Variants in RANBP2 observed in about 807,000 individuals in gnomAD.
RANBP2 encodes the protein E3 SUMO-protein ligase RanBP2.
Under a neutral mutation model 303.6 loss-of-function variants are expected in RANBP2, and 57 were observed. That is an observed-to-expected ratio of 0.19 (90% CI 0.15 to 0.23). The LOEUF (loss-of-function observed/expected upper bound fraction) is 0.23, where lower values mean the gene tolerates loss of function less well. RANBP2 is among the 10% of genes least tolerant of loss of function. The pLI is 1.00. For missense variants in RANBP2, 3,138 were observed against 3,780.8 expected, an observed-to-expected ratio of 0.83 and a Z score of 4.46; for synonymous variants, 1,167 against 1,301.5, an observed-to-expected ratio of 0.90 and a Z score of 2.23.
the RANBP2 span, among the ~76,000 whole-genome samples, chr2:109,505,154 C>T: frequency 6.6e-6 from 1 of 152,174 alleles, no homozygotes; most frequent in Non-Finnish European, 1.5e-5. Context: ...TGCAGGGAAT[C>T]CCACCAACAG....
chr2:109,451,712 G>A, the RANBP2 span, among the ~76,000 whole-genome samples: 1 of 152,250 alleles, frequency 6.6e-6, no homozygotes, highest in Non-Finnish European at 1.5e-5. Flanking sequence ...GCAAAGAACA[G>A]TTGAGTCCAG....
At chr2:109,133,190 A>G in the RANBP2 span, among the ~76,000 whole-genome samples, 9 of 152,218 alleles carry the variant, frequency 5.9e-5, no homozygotes, top group African/African-American at 9.7e-5. Flanking sequence ...AAGGAAGGAC[A>G]TTGTCACAAA....
chr2:109,489,962 T>A, the RANBP2 span, among the ~76,000 whole-genome samples: 68 of 152,316 alleles, frequency 4.5e-4, no homozygotes, highest in South Asian at 7.0e-3. Context: ...GGTCTCGAAC[T>A]CCTGACCTCA....
At chr2:109,258,057 G>C in the RANBP2 span, among the ~76,000 whole-genome samples, 8 of 152,286 alleles carry the variant, frequency 5.3e-5, no homozygotes, top group South Asian at 1.7e-3. Context: ...GACCCTCACA[G>C]CCCTGCCATC....
intron 24 of RANBP2, among the ~76,000 whole-genome samples, chr2:108,776,713 G>C (rs1677918490): frequency 6.6e-6 from 1 of 152,136 alleles, no homozygotes; most frequent in Non-Finnish European, 1.5e-5. Context: ...AAGTGTAAAT[G>C]AGACATTTGG....
At chr2:108,735,081 AT>A (rs70956274) in intron 4 of RANBP2, among the ~76,000 whole-genome samples, 15,963 of 152,196 alleles carry the variant, frequency 0.1, 1,062 homozygotes, top group Non-Finnish European at 0.15. Flanking sequence ...TACTGTCTTC[AT>A]TTAAGGTCAG....
the RANBP2 span, among the ~76,000 whole-genome samples, chr2:109,123,631 G>A: frequency 6.6e-6 from 1 of 152,206 alleles, no homozygotes; most frequent in Admixed American, 6.5e-5. Flanking sequence ...CAGTAGCAAT[G>A]TGACATTGGA....
At chr2:109,408,736 C>T in the RANBP2 span, among the ~76,000 whole-genome samples, 2 of 152,240 alleles carry the variant, frequency 1.3e-5, no homozygotes, top group Non-Finnish European at 2.9e-5. Context: ...CTGCAGCCAC[C>T]GCCTGTAAAG....
At chr2:109,161,142 G>C in the RANBP2 span, among the ~76,000 whole-genome samples, 1 of 152,176 alleles carries the variant, frequency 6.6e-6, no homozygotes, top group Non-Finnish European at 1.5e-5. Context: ...TTGTTACTAG[G>C]CATAAAGCAT....
rs376973592 is a variant in RANBP2, at chr2:108,755,017, A to T, written c.2315A>T (p.Asp772Val). The change falls in exon 16 of 29, where the codon GAT becomes GTT. Residue 772 changes from aspartate to valine, a missense_variant. Asp to Val is a radical substitution (Grantham distance 152, BLOSUM62 -3). Transcript: ENST00000283195. ...LYKNGSLRNA[D>V]SEIKHSTPSP... ...AAAAATGGTTCTTTGCGAAATGCAG[A>T]TTCAGAAATAAAACATTCTACACCG... 1.9e-6 allele frequency: 3 copies of T among 1,611,782 alleles called. No individual in the cohort carries two copies. The highest frequency in any genetic ancestry group is 2.7e-5 in the African/African-American group (2 of 74,820).
chr2:108,757,489 A>G (rs979631361), intron 17 of RANBP2, among the ~76,000 whole-genome samples: 2 of 152,152 alleles, frequency 1.3e-5, no homozygotes, highest in African/African-American at 4.8e-5. Context: ...AAAAATTAAG[A>G]GTTTAAGTGC....
chr2:109,707,724 C>T, the RANBP2 span, among the ~76,000 whole-genome samples: 2 of 152,226 alleles, frequency 1.3e-5, no homozygotes, highest in Non-Finnish European at 2.9e-5. Context: ...GTTTGAATAG[C>T]CCTCTGCCCA....
intron 26 of RANBP2, 145 bp downstream of exon 26, chr2:108,781,574 C>T: frequency 2.8e-6 from 2 of 708,106 alleles, no homozygotes; most frequent in Admixed American, 3.1e-5. Context: ...GATGTCTAGC[C>T]TTTAAGTATA....
chr2:109,269,414 G>A, the RANBP2 span, among the ~76,000 whole-genome samples: 16 of 152,276 alleles, frequency 1.1e-4, no homozygotes, highest in Non-Finnish European at 2.2e-4. Context: ...TCTGCTGGCC[G>A]ACCACATCCT....
the RANBP2 span, among the ~76,000 whole-genome samples, chr2:109,009,706 TTTTTG>T: frequency 2.4e-3 from 229 of 97,284 alleles, 7 homozygotes; most frequent in African/African-American, 7.1e-3. Flanking sequence ...TTTTACCTTT[TTTTTG>T]TTTTTTTTTT....
At chr2:108,993,524 G>T in the RANBP2 span, among the ~76,000 whole-genome samples, 1 of 152,198 alleles carries the variant, frequency 6.6e-6, no homozygotes, top group Non-Finnish European at 1.5e-5. Context: ...AAGTCTGGGG[G>T]AGTATTTGCA....
Position 108,763,450 on chromosome 2 carries a change from A to C in RANBP2, c.2911A>C (p.Thr971Pro), listed in dbSNP as rs1676884999. 1 of 1,614,100 alleles carries C rather than the reference A, an allele frequency of 6.2e-7. No homozygotes were observed. Among genetic ancestry groups the C allele is most frequent in the Non-Finnish European group, 8.5e-7 (1 of 1,179,978 alleles). ...YFNYNVQQTS[T>P]NPPLPEPGYF... ...TAATTACAATGTTCAACAGACAAGC[A>C]CAAATCCACCTTTGCCAGAACCAGG... The change falls in exon 20 of 29, where the codon ACA becomes CCA. Residue 971 changes from threonine to proline, a missense_variant. Thr to Pro is a conservative substitution (Grantham distance 38). This residue lies in a region of RANBP2 where 403 missense variants were observed against 376.7 expected (regional missense o/e 1.07). Transcript: ENST00000283195.
chr2:109,051,697 T>C, the RANBP2 span, among the ~76,000 whole-genome samples: 1 of 152,002 alleles, frequency 6.6e-6, no homozygotes, highest in Non-Finnish European at 1.5e-5. Flanking sequence ...AAGACAGCAA[T>C]GTCTCTCTGC....
At chr2:109,206,261 T>C in the RANBP2 span, among the ~76,000 whole-genome samples, 1 of 151,538 alleles carries the variant, frequency 6.6e-6, no homozygotes. Flanking sequence ...GAGGCTGAAG[T>C]GGGCAGATCA....
Sources: gnomAD v4.1 joint callset for allele counts (sites outside exome capture counted in the v4.1 genomes callset) on GRCh38, gnomAD v4.1.1 for gene constraint, gnomAD v4.1.1 regional missense constraint, MANE v1.5 for transcripts, NCBI Gene and HGNC (gene_info 2026-07-23, HGNC 2026-07-21) for gene names.